Variants in ABCB7 observed in about 807,000 individuals in gnomAD.
The protein encoded by ABCB7 is ATP binding cassette subfamily B member 7.
Under a neutral mutation model 54.4 loss-of-function variants are expected in ABCB7, and 7 were observed. That is an observed-to-expected ratio of 0.13 (90% CI 0.07 to 0.24). ABCB7 has a LOEUF of 0.24. Among genes scored for constraint, ABCB7 ranks in the 10% least tolerant of loss-of-function variants. The pLI is 1.00. For synonymous variants in ABCB7, 218 were observed against 207.1 expected, an observed-to-expected ratio of 1.05 and a Z score of -0.45; for missense variants, 356 against 570.4, an observed-to-expected ratio of 0.62 and a Z score of 3.83.
chrX:75,114,994 GCC>G (rs2081796441), intron 1 of ABCB7, among the ~76,000 whole-genome samples, 163 bp from the exon 2 acceptor site: 1 of 111,163 alleles, frequency 9.0e-6, no homozygotes, highest in African/African-American at 3.3e-5. Flanking sequence ...AATAGGCCGG[GCC>G]TGGTGGCTCA....
intron 8 of ABCB7, among the ~76,000 whole-genome samples, chrX:75,072,800 T>A (rs754427418): frequency 8.9e-6 from 1 of 112,027 alleles, no homozygotes; most frequent in Non-Finnish European, 1.9e-5. Context: ...ACTTTTTTAC[T>A]TTACAAACTT....
intron 1 of ABCB7, among the ~76,000 whole-genome samples, chrX:75,146,405 C>A (rs771055039): frequency 1.8e-5 from 2 of 112,014 alleles, no homozygotes; most frequent in Non-Finnish European, 3.8e-5. Context: ...TATCACATTA[C>A]CTGATTTCAA....
At chrX:75,091,691 CA>C (rs2081545149) in intron 4 of ABCB7, among the ~76,000 whole-genome samples, 1 of 107,605 alleles carries the variant, frequency 9.3e-6, no homozygotes, top group Admixed American at 9.8e-5. Context: ...AAAAAATCAA[CA>C]AAAAACCCTA....
intron 1 of ABCB7, among the ~76,000 whole-genome samples, chrX:75,128,509 T>C (rs2081951051): frequency 9.0e-6 from 1 of 111,685 alleles, no homozygotes; most frequent in Non-Finnish European, 1.9e-5. Flanking sequence ...CAAGAAAACC[T>C]AGGCAATACC....
Position 75,069,280 on chromosome X carries a change from A to G in ABCB7, c.1529+11T>C, listed in dbSNP as rs2081344520. On this transcript the variant is annotated intron_variant, in intron 11 of 15. Coordinates refer to ENST00000373394, the MANE Select transcript of ABCB7 (RefSeq NM_001271696.3). ...ATAATACAGAATTTTACAAATAACT[A>G]AATTACCCACCCTGACCCACTACCT... 1 of 1,210,190 alleles carries G rather than the reference A, an allele frequency of 8.3e-7. No individual in the cohort carries two copies. Among genetic ancestry groups the G allele is most frequent in the African/African-American group, 1.7e-5 (1 of 57,711 alleles).
At chrX:75,142,950 T>C (rs1470874064) in intron 1 of ABCB7, among the ~76,000 whole-genome samples, 2 of 112,262 alleles carry the variant, frequency 1.8e-5, no homozygotes, top group African/African-American at 3.2e-5. Flanking sequence ...TAGAGCTGTA[T>C]TAGGTGGTGA....
intron 4 of ABCB7, among the ~76,000 whole-genome samples, chrX:75,078,446 C>A (rs2081429072): frequency 9.0e-6 from 1 of 111,335 alleles, no homozygotes; most frequent in Non-Finnish European, 1.9e-5. Context: ...GGTACAAGTG[C>A]AGTCCTGTTA....
intron 3 of ABCB7, among the ~76,000 whole-genome samples, chrX:75,104,810 T>C (rs1189098049): frequency 9.0e-6 from 1 of 111,313 alleles, no homozygotes; most frequent in Non-Finnish European, 1.9e-5. Flanking sequence ...CAACAAAGTA[T>C]CAGTAAACCA....
intron 4 of ABCB7, among the ~76,000 whole-genome samples, chrX:75,084,693 A>G (rs1224079547): frequency 1.8e-5 from 2 of 111,960 alleles, no homozygotes; most frequent in African/African-American, 6.5e-5. Flanking sequence ...TTAAAAAACA[A>G]GCTACAGACT....
intron 1 of ABCB7, among the ~76,000 whole-genome samples, chrX:75,115,671 A>C: frequency 9.2e-6 from 1 of 108,580 alleles, no homozygotes; most frequent in Non-Finnish European, 1.9e-5. Context: ...TCTGTAAGCC[A>C]AAAGTAAAAT....
chrX:75,097,235 A>G lies in ABCB7; in HGVS notation c.453+1707T>C, dbSNP rs752915488. The stretch of plus-strand genomic sequence containing the variant: ...ACATCTTCCCCTCGCTGGAACCAGG[A>G]TAGACTACTCACTTCTGTACACATA... On this transcript the variant is annotated intron_variant, in intron 4 of 15. Transcript: ENST00000373394. Among the ~76,000 whole-genome samples, 3 of 111,762 alleles carry G rather than the reference A, an allele frequency of 2.7e-5. No individual in the cohort carries two copies. In the South Asian group the frequency reaches 1.1e-3, roughly 42 times the overall value.
At chrX:75,136,436 C>A (rs1232727094) in intron 1 of ABCB7, among the ~76,000 whole-genome samples, 3 of 111,326 alleles carry the variant, frequency 2.7e-5, no homozygotes, top group Non-Finnish European at 5.7e-5. Context: ...AATTTAGATT[C>A]AATGCTATTC....
At chrX:75,064,982 C>T in intron 13 of ABCB7, 88 bp downstream of exon 13, 1 of 1,056,108 alleles carries the variant, frequency 9.5e-7, no homozygotes, top group Non-Finnish European at 1.3e-6. Context: ...TTTGAAGTCT[C>T]TCATTACATT....
intron 15 of ABCB7, among the ~76,000 whole-genome samples, chrX:75,055,553 CAAAAAAAAAAA>C (rs59851777): frequency 4.6e-5 from 1 of 21,754 alleles, no homozygotes; most frequent in Non-Finnish European, 1.1e-4. Context: ...CCATCTCTAC[CAAAAAAAAAAA>C]AAAAAAAAAA....
At chrX:75,120,307 T>G (rs1330531534) in intron 1 of ABCB7, among the ~76,000 whole-genome samples, 1 of 112,252 alleles carries the variant, frequency 8.9e-6, no homozygotes, top group Non-Finnish European at 1.9e-5. Flanking sequence ...TTTGCATAAG[T>G]GCAATAAGAA....
intron 4 of ABCB7, among the ~76,000 whole-genome samples, chrX:75,091,064 A>G (rs1168021881): frequency 9.0e-6 from 1 of 111,330 alleles, no homozygotes; most frequent in Non-Finnish European, 1.9e-5. Flanking sequence ...AATTCTCTAT[A>G]ATTTCTTCCA....
intron 1 of ABCB7, among the ~76,000 whole-genome samples, chrX:75,117,858 T>G (rs2081836813): frequency 8.9e-6 from 1 of 111,802 alleles, no homozygotes; most frequent in Non-Finnish European, 1.9e-5. Context: ...CCCTGAGCTC[T>G]TTGCCTTCCC....
intron 4 of ABCB7, among the ~76,000 whole-genome samples, chrX:75,090,872 T>G (rs1428827370): frequency 9.0e-6 from 1 of 111,314 alleles, no homozygotes; most frequent in African/African-American, 3.2e-5. Context: ...TTTGATAACT[T>G]AGATGAAATG....
intron 1 of ABCB7, among the ~76,000 whole-genome samples, chrX:75,141,708 G>A (rs1288210840): frequency 1.8e-5 from 2 of 111,600 alleles, no homozygotes; most frequent in South Asian, 3.7e-4. Context: ...CTTAGAAGTA[G>A]AATTGTTGGG....
Sources: allele counts gnomAD v4.1 joint callset (sites outside exome capture counted in the v4.1 genomes callset), GRCh38; gene constraint gnomAD v4.1.1; transcripts MANE v1.5; gene names NCBI Gene and HGNC (gene_info 2026-07-23, HGNC 2026-07-21).